Variants in MEOX2 observed in about 807,000 individuals in gnomAD.
MEOX2 encodes homeobox protein MOX-2.
MEOX2 carries 11 observed loss-of-function variants against 27.0 expected under a neutral mutation model. That is an observed-to-expected ratio of 0.41 (90% CI 0.26 to 0.68). The LOEUF is 0.68. MEOX2 is among the 30% of genes least tolerant of loss of function. The pLI is 0.33. For synonymous variants in MEOX2, 189 were observed against 155.4 expected, an observed-to-expected ratio of 1.22 and a Z score of -1.61; for missense variants, 436 against 385.4, an observed-to-expected ratio of 1.13 and a Z score of -1.10.
chr7:15,623,229 A>G (rs2115357805), intron 2 of MEOX2, among the ~76,000 whole-genome samples: 1 of 152,364 alleles, frequency 6.6e-6, no homozygotes, highest in Middle Eastern at 3.4e-3. Flanking sequence ...GAGCCCTGGC[A>G]TTTTGAAAGA....
chr7:15,622,407 T>C (rs945125874), intron 2 of MEOX2, among the ~76,000 whole-genome samples: 3 of 152,164 alleles, frequency 2.0e-5, no homozygotes, highest in Non-Finnish European at 4.4e-5. Flanking sequence ...TGTCTTTGCA[T>C]TTGAATTTCA....
chr7:15,629,224 GTACTT>G (rs1159851764), intron 1 of MEOX2, among the ~76,000 whole-genome samples: 1 of 151,978 alleles, frequency 6.6e-6, no homozygotes, highest in African/African-American at 2.4e-5. Flanking sequence ...ATATTCAAAA[GTACTT>G]CATAAATACC....
At chr7:15,624,834 C>T (rs1781273934) in intron 2 of MEOX2, among the ~76,000 whole-genome samples, 1 of 152,130 alleles carries the variant, frequency 6.6e-6, no homozygotes, top group African/African-American at 2.4e-5. Flanking sequence ...TTAAAAGAAT[C>T]TTTAAAACAA....
At position 15,612,522 on chromosome 7, in the gene MEOX2, C is replaced by G. The variant is rs1487766017; in HGVS notation, c.780G>C (p.Val260=). 6.2e-7 allele frequency: 1 copy of G among 1,614,136 alleles called. No homozygotes were observed. The highest frequency in any genetic ancestry group is 8.5e-7 in the Non-Finnish European group (1 of 1,180,012). ...GGAGAAGTGTTCCCTTTTTCACATT[C>G]ACCAGTTCCTTTTCCCGAGCCGCAG... The part of the protein sequence containing the change: ...QGAAAREKEL[V]NVKKGTLLPS... Residue 260 remains valine, a synonymous_variant, in exon 3 of 3, where the codon GTG becomes GTC. Transcript: ENST00000262041.
intron 1 of MEOX2, chr7:15,679,203 G>C (rs1449598467): frequency 2.6e-5 from 4 of 152,042 alleles, no homozygotes; most frequent in Admixed American, 2.6e-4. Context: ...GTGGGTGTGA[G>C]TGTGCATATA....
At chr7:15,651,863 G>A (rs778026769) in intron 1 of MEOX2, among the ~76,000 whole-genome samples, 10 of 152,072 alleles carry the variant, frequency 6.6e-5, no homozygotes, top group African/African-American at 9.6e-5. Context: ...TCTCAGGGTC[G>A]TCAATTACAC....
intron 2 of MEOX2, among the ~76,000 whole-genome samples, chr7:15,617,482 A>G (rs1381247049): frequency 6.6e-6 from 1 of 152,090 alleles, no homozygotes; most frequent in Non-Finnish European, 1.5e-5. Context: ...TAGTAGTATT[A>G]GAATTAGAAG....
intron 2 of MEOX2, among the ~76,000 whole-genome samples, chr7:15,625,322 A>G (rs1391792217): frequency 6.6e-6 from 1 of 152,184 alleles, no homozygotes; most frequent in Admixed American, 6.6e-5. Context: ...CAAATGTTGA[A>G]CCCATAGAGG....
intron 2 of MEOX2, among the ~76,000 whole-genome samples, chr7:15,624,998 G>A (rs760199007): frequency 2.1e-4 from 32 of 152,178 alleles, no homozygotes; most frequent in Middle Eastern, 3.4e-3. Flanking sequence ...ATTCTGCTCC[G>A]TGGTCAAACA....
chr7:15,654,958 A>T (rs149884671), intron 1 of MEOX2, among the ~76,000 whole-genome samples: 4,541 of 151,840 alleles, frequency 0.03, 90 homozygotes, highest in Middle Eastern at 0.058. Flanking sequence ...GTATAGAATT[A>T]TGTTAATTCT....
At chr7:15,615,252 A>AG (rs1361636836) in intron 2 of MEOX2, among the ~76,000 whole-genome samples, 1 of 152,092 alleles carries the variant, frequency 6.6e-6, no homozygotes, top group Non-Finnish European at 1.5e-5. Flanking sequence ...GATAAAGTTG[A>AG]GGTAAAGGTT....
intron 1 of MEOX2, chr7:15,681,652 T>G (rs1331977338): frequency 6.6e-6 from 1 of 151,746 alleles, no homozygotes; most frequent in Non-Finnish European, 1.5e-5. Flanking sequence ...TAATGAACGG[T>G]CTATGTTTTG....
intron 2 of MEOX2, among the ~76,000 whole-genome samples, chr7:15,620,037 T>G (rs909180615): frequency 6.6e-5 from 10 of 152,082 alleles, no homozygotes; most frequent in Non-Finnish European, 1.3e-4. Context: ...TTACCAATAC[T>G]GTCAATATGT....
At chr7:15,649,354 C>A (rs73679852) in intron 1 of MEOX2, among the ~76,000 whole-genome samples, 1 of 151,756 alleles carries the variant, frequency 6.6e-6, no homozygotes, top group African/African-American at 2.4e-5. Context: ...CAGAAATGGA[C>A]AAAAATAATT....
rs559173992 is a variant in MEOX2 at position 15,611,987 on chromosome 7, A to G, written c.*400T>C. 34 of 200,038 alleles carry G rather than the reference A, an allele frequency of 1.7e-4. No individual in the cohort carries two copies. In the South Asian group the frequency reaches 2.8e-3, roughly 17 times the overall value. The allele number at this position is 200,038 out of a possible 1,614,324, so 12.4% of individuals were successfully genotyped here. ...CAAATACCTGCCCACTGTAATACAC[A>G]TGATCTCACACATCTGGAATGTTCA... On this transcript the variant is annotated 3_prime_UTR_variant, in exon 3 of 3. Transcript: ENST00000262041.
At chr7:15,629,826 A>G (rs1781373625) in intron 1 of MEOX2, among the ~76,000 whole-genome samples, 1 of 151,960 alleles carries the variant, frequency 6.6e-6, no homozygotes, top group Non-Finnish European at 1.5e-5. Flanking sequence ...TAAGGCCTCT[A>G]CTGCCATTAC....
intron 1 of MEOX2, among the ~76,000 whole-genome samples, chr7:15,637,512 C>T (rs1781498302): frequency 6.6e-6 from 1 of 151,392 alleles, no homozygotes; most frequent in Non-Finnish European, 1.5e-5. Context: ...TGTAATTTTC[C>T]AATACACACA....
intron 1 of MEOX2, among the ~76,000 whole-genome samples, chr7:15,640,216 TTTG>T (rs988024537): frequency 6.7e-6 from 1 of 150,184 alleles, no homozygotes; most frequent in African/African-American, 2.4e-5. Flanking sequence ...CTGTTCTAGG[TTTG>T]TTGTTGTTGC....
chr7:15,684,238 G>A lies in MEOX2; in HGVS notation c.517+1648C>T, dbSNP rs377546597. Among the ~76,000 whole-genome samples, 13 of 152,232 alleles carry A rather than the reference G, an allele frequency of 8.5e-5. No individual in the cohort carries two copies. The East Asian group carries it at 2.1e-3, about 25-fold the overall frequency. On this transcript the variant is annotated intron_variant, in intron 1 of 2. Coordinates refer to ENST00000262041, the MANE Select transcript of MEOX2 (RefSeq NM_005924.5). ...GAGCTTATGGGAATTGCAAGAGTAC[G>A]CTCATCAACCCGAACTGGGATCTGC...
Sources: allele counts gnomAD v4.1 joint callset (sites outside exome capture counted in the v4.1 genomes callset), GRCh38; gene constraint gnomAD v4.1.1; transcripts MANE v1.5; gene names NCBI Gene and HGNC (gene_info 2026-07-23, HGNC 2026-07-21).